The following GRIK1 variants were observed in gnomAD, a reference collection of about 807,000 sequenced individuals.
GRIK1 encodes the protein glutamate receptor ionotropic, kainate 1.
Under a neutral mutation model 105.7 loss-of-function variants are expected in GRIK1, and 69 were observed. The observed-to-expected ratio is 0.65, with a 90% CI of 0.54 to 0.80. The LOEUF (loss-of-function observed/expected upper bound fraction) is 0.80, where lower values mean the gene tolerates loss of function less well. Among genes scored for constraint, GRIK1 ranks in the 30% least tolerant of loss-of-function variants. The pLI is 0.00. For synonymous variants in GRIK1, 438 were observed against 431.3 expected (o/e 1.02, Z -0.19); for missense variants, 1,109 against 1,167.3 (o/e 0.95, Z 0.73).
chr21:29,929,461 T>C (rs974776394), intron 1 of GRIK1, among the ~76,000 whole-genome samples: 1 of 152,220 alleles, frequency 6.6e-6, no homozygotes, highest in African/African-American at 2.4e-5. Flanking sequence ...CTGAAAGTTA[T>C]CATGTATAAG....
intron 1 of GRIK1, among the ~76,000 whole-genome samples, chr21:29,812,960 G>A (rs374443777): frequency 6.6e-5 from 10 of 152,214 alleles, no homozygotes; most frequent in South Asian, 4.1e-4. Context: ...AAAATTGTAC[G>A]TAGGAAGATA....
chr21:29,927,615 G>C (rs1192116552), intron 1 of GRIK1, among the ~76,000 whole-genome samples: 1 of 151,464 alleles, frequency 6.6e-6, no homozygotes, highest in Non-Finnish European at 1.5e-5. Flanking sequence ...GCTCACACCT[G>C]TAATCCCAGC....
In GRIK1 at chr21:29,587,489, T is replaced by C; in HGVS notation, c.1670A>G (p.Tyr557Cys). Residue 557 changes from tyrosine to cysteine, a missense_variant, in exon 12 of 18, where the codon TAC (tyrosine) becomes TGC (cysteine). By Grantham distance (194) the Tyr-to-Cys change is radical. Transcript: ENST00000327783. ...TGGATTGGTACCATTGGGCTTCCGG[T>C]AGAGAATGCTGATGCCTAGGGTCAT... ...PFMTLGISIL[Y>C]RKPNGTNPGV... The C allele has an allele frequency of 6.2e-7, 1 of 1,612,906 alleles. No homozygotes were observed. Among genetic ancestry groups the C allele is most frequent in the Non-Finnish European group, 8.5e-7 (1 of 1,178,942 alleles).
At chr21:29,662,266 A>G (rs767847635) in intron 4 of GRIK1, among the ~76,000 whole-genome samples, 2 of 152,250 alleles carry the variant, frequency 1.3e-5, no homozygotes, top group African/African-American at 2.4e-5. Flanking sequence ...ATGCTATTTA[A>G]GGAGTGCAGA....
At chr21:29,741,739 A>T (rs974164543) in intron 1 of GRIK1, among the ~76,000 whole-genome samples, 3 of 152,206 alleles carry the variant, frequency 2.0e-5, no homozygotes, top group African/African-American at 7.2e-5. Context: ...AAACTGCCAT[A>T]TTTTAAGTTA....
At chr21:29,806,077 CA>C (rs988529957) in intron 1 of GRIK1, among the ~76,000 whole-genome samples, 5 of 152,008 alleles carry the variant, frequency 3.3e-5, no homozygotes, top group African/African-American at 1.2e-4. Flanking sequence ...GCTGTGACAC[CA>C]ATAAACAGTC....
chr21:29,582,394 C>A, intron 12 of GRIK1: 1 of 461,372 alleles, frequency 2.2e-6, no homozygotes, highest in South Asian at 1.6e-5. Context: ...GGTCTACCTG[C>A]AAGGTGGTGC....
intron 1 of GRIK1, among the ~76,000 whole-genome samples, chr21:29,733,886 G>C (rs1202716587): frequency 6.6e-6 from 1 of 152,030 alleles, no homozygotes; most frequent in African/African-American, 2.4e-5. Context: ...GGATATAGTA[G>C]ATGTAAAACT....
intron 4 of GRIK1, among the ~76,000 whole-genome samples, chr21:29,661,250 C>T (rs1252489824): frequency 6.6e-6 from 1 of 152,196 alleles, no homozygotes; most frequent in African/African-American, 2.4e-5. Flanking sequence ...AGATATCCAT[C>T]TACTTATGGA....
In GRIK1 at chr21:29,642,931, CA is replaced by C; in HGVS notation, c.992del (p.Val331GlyfsTer11). The C allele has an allele frequency of 3.7e-6, 6 of 1,613,914 alleles. No homozygotes were observed. The highest frequency in any genetic ancestry group is 5.1e-6 in the Non-Finnish European group (6 of 1,179,782). ...GGGATGCCCGGTGCGAGGCAATGGC[CA>C]CCATGTACACAGCATCGTACATCAG... ...AALMYDAVYM[V>X]AIASHRASQL... On this transcript the variant is annotated frameshift_variant, in exon 7 of 18. Coordinates refer to ENST00000327783, the MANE Select transcript of GRIK1 (RefSeq NM_001330994.2). LOFTEE classifies it high-confidence loss of function.
intron 4 of GRIK1, among the ~76,000 whole-genome samples, chr21:29,672,072 T>C (rs2063170142): frequency 6.6e-6 from 1 of 151,612 alleles, no homozygotes; most frequent in Admixed American, 6.6e-5. Context: ...TTTTTTTTTT[T>C]TTGAGATGAA....
intron 2 of GRIK1, among the ~76,000 whole-genome samples, chr21:29,690,510 T>A (rs1275174258): frequency 6.6e-6 from 1 of 152,242 alleles, no homozygotes; most frequent in Non-Finnish European, 1.5e-5. Flanking sequence ...TAAAGAATGT[T>A]CATAAGCAGT....
In GRIK1 at chr21:29,665,405, C is replaced by T. The variant is rs188609378; in HGVS notation, c.726+7578G>A. 3.0e-3 allele frequency among the ~76,000 whole-genome samples: 457 copies of T among 152,106 alleles called. 1 individual carries two copies. Among genetic ancestry groups the T allele is most frequent in the Non-Finnish European group, 4.8e-3 (329 of 67,998 alleles). ...ACATAATTACGATGAGAATGTACCGCCAAAGTAATTATATAACATACTACA... is the reference window on the plus strand; with the variant it reads ...ACATAATTACGATGAGAATGTACCGTCAAAGTAATTATATAACATACTACA... On this transcript the variant is annotated intron_variant, in intron 4 of 17. Transcript: ENST00000327783.
intron 7 of GRIK1, among the ~76,000 whole-genome samples, chr21:29,617,529 A>G (rs2146405251): frequency 6.6e-6 from 1 of 152,366 alleles, no homozygotes; most frequent in East Asian, 1.9e-4. Flanking sequence ...CACCTCTAAC[A>G]GGACTTCCAC....
At chr21:29,666,563 G>A (rs992868048) in intron 4 of GRIK1, among the ~76,000 whole-genome samples, 2 of 152,022 alleles carry the variant, frequency 1.3e-5, no homozygotes, top group African/African-American at 4.8e-5. Context: ...TTTTATTCTT[G>A]TTGTTGCTTC....
intron 1 of GRIK1, among the ~76,000 whole-genome samples, chr21:29,694,504 C>A (rs371711345): frequency 1.3e-5 from 2 of 152,058 alleles, no homozygotes; most frequent in Non-Finnish European, 2.9e-5. Context: ...AAATCCCGGG[C>A]TAAAAGTGAA....
At chr21:29,697,651 A>G (rs1222763952) in intron 1 of GRIK1, among the ~76,000 whole-genome samples, 8 of 152,192 alleles carry the variant, frequency 5.3e-5, no homozygotes, top group Admixed American at 5.2e-4. Flanking sequence ...CAGAAACAGG[A>G]GAAAGTTATT....
At chr21:29,752,643 T>C (rs772427428) in intron 1 of GRIK1, among the ~76,000 whole-genome samples, 3 of 151,822 alleles carry the variant, frequency 2.0e-5, no homozygotes, top group Non-Finnish European at 4.4e-5. Context: ...CTGAGTAACA[T>C]AGTGAGACTC....
chr21:29,845,457 T>C (rs908927621), intron 1 of GRIK1, among the ~76,000 whole-genome samples: 1 of 152,146 alleles, frequency 6.6e-6, no homozygotes, highest in African/African-American at 2.4e-5. Context: ...TAATCCTGCG[T>C]TGGTTACTCA....
Sources: allele counts gnomAD v4.1 joint callset (sites outside exome capture counted in the v4.1 genomes callset), GRCh38; gene constraint gnomAD v4.1.1; transcripts MANE v1.5; gene names NCBI Gene and HGNC (gene_info 2026-07-23, HGNC 2026-07-21).